The following WDR64 variants were observed in gnomAD, a reference collection of about 807,000 sequenced individuals.
The protein encoded by WDR64 is WD repeat domain 64.
A neutral mutation model predicts 139.3 loss-of-function variants in WDR64; 112 were observed. That is an observed-to-expected ratio of 0.80 (90% CI 0.69 to 0.94). WDR64 has a LOEUF of 0.94. Among genes scored for constraint, WDR64 ranks in the 40% least tolerant of loss-of-function variants. The pLI is 0.00. For missense variants in WDR64, 1,206 were observed against 1,293.1 expected (o/e 0.93, Z 1.03); for synonymous variants, 444 against 437.7 (o/e 1.01, Z -0.18).
At position 241,769,487 on chromosome 1, in the gene WDR64, G is replaced by A. The variant is rs536501700; in HGVS notation, c.2165G>A (p.Arg722His). 1.4e-4 allele frequency: 218 copies of A among 1,551,012 alleles called. No individual in the cohort carries two copies. Among genetic ancestry groups the A allele is most frequent in the Non-Finnish European group, 1.8e-4 (202 of 1,146,874 alleles). ...FKINDILFLFRTPECARRSSQ... is the reference protein window; with the variant it reads ...FKINDILFLFHTPECARRSSQ... ...ATTAATGACATACTGTTCCTCTTTC[G>A]TACCCCTGAATGTGCAAGGTAACTC... is the stretch of plus-strand genomic sequence containing the variant. The change falls in exon 17 of 28, where the codon CGT becomes CAT. Residue 722 changes from arginine (R) to histidine (H), a missense_variant. By Grantham distance (29) the Arg-to-His change is conservative (BLOSUM62 0). Transcript: ENST00000437684.
At chr1:241,691,808 G>A (rs567619013) in intron 8 of WDR64, among the ~76,000 whole-genome samples, 19 of 152,284 alleles carry the variant, frequency 1.2e-4, no homozygotes, top group African/African-American at 4.6e-4. Flanking sequence ...GTGCTCAGGA[G>A]TTCAAGACCA....
intron 7 of WDR64, among the ~76,000 whole-genome samples, chr1:241,684,264 T>C (rs1197860998): frequency 6.6e-6 from 1 of 152,204 alleles, no homozygotes; most frequent in Non-Finnish European, 1.5e-5. Flanking sequence ...AATTAAAAGA[T>C]ATAATCCTCC....
intron 10 of WDR64, among the ~76,000 whole-genome samples, chr1:241,736,586 G>A (rs564159300): frequency 6.6e-6 from 1 of 152,068 alleles, no homozygotes; most frequent in South Asian, 2.1e-4. Flanking sequence ...ATAGGGAGAG[G>A]GGCAGCAAAA....
chr1:241,691,742 A>G (rs1292724376), intron 8 of WDR64, among the ~76,000 whole-genome samples: 3 of 152,224 alleles, frequency 2.0e-5, no homozygotes, highest in Admixed American at 1.3e-4. Flanking sequence ...GGCTGGGCAC[A>G]GTGGCTCATG....
In WDR64 at chr1:241,666,027, A is replaced by G. The variant is rs548755985; in HGVS notation, c.277-5047A>G. ...TTCTATTGGCTTTTTTATTTTCTCC[A>G]TATGTTCTACAATGAACATATGTTC... On this transcript the variant is annotated intron_variant, in intron 2 of 27. Transcript: ENST00000437684. Among the ~76,000 whole-genome samples the G allele has an allele frequency of 9.2e-5, 14 of 152,278 alleles. No individual in the cohort carries two copies. The South Asian group carries it at 2.9e-3, about 32-fold the overall frequency.
chr1:241,714,808 T>C (rs928876493), intron 9 of WDR64, among the ~76,000 whole-genome samples: 1 of 152,178 alleles, frequency 6.6e-6, no homozygotes, highest in Non-Finnish European at 1.5e-5. Context: ...CAACTCTGAT[T>C]TTTCAGCAAT....
intron 8 of WDR64, among the ~76,000 whole-genome samples, chr1:241,711,236 C>CAA (rs34264828): frequency 0.2 from 28,029 of 138,990 alleles, 2,981 homozygotes; most frequent in African/African-American, 0.23. Flanking sequence ...GACCTTGTCT[C>CAA]AAAAAAAAAA....
In WDR64 at chr1:241,764,478, A is replaced by T. The variant is rs1658061840; in HGVS notation, c.1948-1740A>T. On this transcript the variant is annotated intron_variant, in intron 15 of 27. Transcript: ENST00000437684. ...GGCCAGCCTGGGCAACATAGGCCCC[A>T]TCTCTACAAAAAAATTTTTAAAAAT... Among the ~76,000 whole-genome samples the T allele has an allele frequency of 2.6e-5, 4 of 151,812 alleles. No individual in the cohort carries two copies. The South Asian group carries it at 8.3e-4, about 32-fold the overall frequency.
At chr1:241,782,051 C>G (rs10926576) in intron 22 of WDR64, among the ~76,000 whole-genome samples, 26,276 of 152,204 alleles carry the variant, frequency 0.17, 2,635 homozygotes, top group African/African-American at 0.26. Context: ...CTTTGGGAGG[C>G]TGAGGCAGGC....
At chr1:241,799,049 C>T (rs1429999685) in intron 27 of WDR64, among the ~76,000 whole-genome samples, 1 of 151,688 alleles carries the variant, frequency 6.6e-6, no homozygotes, top group Non-Finnish European at 1.5e-5. Flanking sequence ...TATGTGAAAA[C>T]ATACTCCATA....
At chr1:241,754,611 C>T (rs1208203002) in intron 14 of WDR64, among the ~76,000 whole-genome samples, 2 of 152,092 alleles carry the variant, frequency 1.3e-5, no homozygotes, top group Non-Finnish European at 2.9e-5. Flanking sequence ...AGCCACCTTG[C>T]CTGGCCCGTG....
intron 21 of WDR64, among the ~76,000 whole-genome samples, chr1:241,775,767 G>A (rs8179320): frequency 0.42 from 64,349 of 151,914 alleles, 15,009 homozygotes; most frequent in Middle Eastern, 0.64. Context: ...ATGTGTGTAT[G>A]TGAATGCACA....
chr1:241,781,029 G>T (rs1558522562), intron 22 of WDR64, among the ~76,000 whole-genome samples: 1 of 152,108 alleles, frequency 6.6e-6, no homozygotes, highest in Non-Finnish European at 1.5e-5. Flanking sequence ...AAAACAAACC[G>T]TATGCTTGAA....
At chr1:241,767,583 T>C (rs1402718087) in intron 16 of WDR64, among the ~76,000 whole-genome samples, 5 of 152,096 alleles carry the variant, frequency 3.3e-5, no homozygotes, top group African/African-American at 7.2e-5. Flanking sequence ...GGAAGAGATA[T>C]AAAAGAGGAG....
At chr1:241,770,777 C>G (rs1421546365) in intron 18 of WDR64, 87 bp downstream of exon 18, 2 of 1,222,334 alleles carry the variant, frequency 1.6e-6, no homozygotes, top group Non-Finnish European at 2.3e-6. Context: ...TGAGCCCCTC[C>G]TTTGATAGAA....
At chr1:241,686,270 C>T (rs7516595) in intron 7 of WDR64, among the ~76,000 whole-genome samples, 113,332 of 152,112 alleles carry the variant, frequency 0.75, 43,296 homozygotes, top group South Asian at 0.85. Context: ...CTGACATCCA[C>T]AGAATTCATT....
intron 3 of WDR64, among the ~76,000 whole-genome samples, chr1:241,673,364 G>A (rs965130283): frequency 6.6e-6 from 1 of 152,174 alleles, no homozygotes; most frequent in Admixed American, 6.5e-5. Flanking sequence ...CTGTAGTGTG[G>A]AAGGGGTGGA....
chr1:241,735,902 C>T (rs1158551386), intron 10 of WDR64, among the ~76,000 whole-genome samples: 2 of 147,970 alleles, frequency 1.4e-5, no homozygotes, highest in African/African-American at 2.5e-5. Flanking sequence ...TATATGCTCA[C>T]TCCTTCCAAT....
intron 8 of WDR64, among the ~76,000 whole-genome samples, chr1:241,708,704 GT>G (rs1331215028): frequency 2.3e-5 from 1 of 42,710 alleles, no homozygotes; most frequent in Non-Finnish European, 5.0e-5. Flanking sequence ...TTTTTTTTTT[GT>G]TTTTTTGTTT....
Sources: allele counts gnomAD v4.1 joint callset (sites outside exome capture counted in the v4.1 genomes callset), GRCh38; gene constraint gnomAD v4.1.1; transcripts MANE v1.5; gene names NCBI Gene and HGNC (gene_info 2026-07-23, HGNC 2026-07-21).